The following NR2E1 variants were observed in gnomAD, a reference collection of about 807,000 sequenced individuals.
The protein encoded by NR2E1 is nuclear receptor TLX.
A neutral mutation model predicts 43.6 loss-of-function variants in NR2E1; 5 were observed. The observed-to-expected ratio is 0.11, with a 90% CI of 0.06 to 0.24. The LOEUF (loss-of-function observed/expected upper bound fraction) is 0.24, where lower values mean the gene tolerates loss of function less well. Among genes scored for constraint, NR2E1 ranks in the 10% least tolerant of loss-of-function variants. The pLI, the probability that NR2E1 is intolerant of heterozygous loss-of-function variation, is 1.00. For synonymous variants in NR2E1, 191 were observed against 195.5 expected (o/e 0.98, Z 0.19); for missense variants, 287 against 496.7 (o/e 0.58, Z 4.01).
intron 8 of NR2E1, among the ~76,000 whole-genome samples, chr6:108,185,513 C>A (rs1285157324): frequency 6.6e-6 from 1 of 152,040 alleles, no homozygotes; most frequent in African/African-American, 2.4e-5. Flanking sequence ...GAGGCTCAAG[C>A]AATTCTCCCA....
In NR2E1 at chr6:108,180,736, T is replaced by G. The variant is rs1371044958; in HGVS notation, c.740-71T>G. 7.0e-7 allele frequency: 1 copy of G among 1,438,400 alleles called. No individual in the cohort carries two copies. Among genetic ancestry groups the G allele is most frequent in the African/African-American group, 1.4e-5 (1 of 71,224 alleles). The allele number at this position is 1,438,400 out of a possible 1,614,324, so 89.1% of individuals were successfully genotyped here. ...TGAATAGATATTGATATGCAGGATT[T>G]TGTCAAAAATCAATATTAAATCATG... On this transcript the variant is annotated intron_variant, in intron 6 of 8. Coordinates refer to ENST00000368986, the MANE Select transcript of NR2E1 (RefSeq NM_003269.5). This position sits in a 1 kb window ranked among gnomAD's most constrained non-coding sequence, Gnocchi z 5.4.
chr6:108,184,819 G>A (rs1724733498), intron 8 of NR2E1, among the ~76,000 whole-genome samples: 1 of 151,768 alleles, frequency 6.6e-6, no homozygotes, highest in African/African-American at 2.4e-5. Flanking sequence ...AATTATGTGT[G>A]GAAAAAACAC....
At chr6:108,187,029 C>G (rs1774087541) in intron 8 of NR2E1, among the ~76,000 whole-genome samples, 1 of 151,114 alleles carries the variant, frequency 6.6e-6, no homozygotes, top group Non-Finnish European at 1.5e-5. Flanking sequence ...TCTTAAATTT[C>G]TTTTTTTTTC....
chr6:108,188,543 ACACACACACCG>A lies in NR2E1; in HGVS notation c.*1081_*1091del, dbSNP rs1774113584. On this transcript the variant is annotated 3_prime_UTR_variant, in exon 9 of 9. Coordinates refer to ENST00000368986, the MANE Select transcript of NR2E1 (RefSeq NM_003269.5). Reference sequence around the variant, plus strand: ...CACACACACACACACACACACACACACACACACACCGTCCTACACTTTAAGCTGCTCCTTTG... The same window carrying A: ...CACACACACACACACACACACACACATCCTACACTTTAAGCTGCTCCTTTG... 6.7e-6 allele frequency: 1 copy of A among 149,564 alleles called. No individual in the cohort carries two copies. Among genetic ancestry groups the A allele is most frequent in the African/African-American group, 2.5e-5 (1 of 39,808 alleles). 9.3% of individuals were successfully genotyped at this position (149,564 alleles called of 1,614,324 possible). A position where few individuals can be genotyped will look rare whatever the true frequency, so the allele number is the denominator to read the frequency against.
intron 2 of NR2E1, 22 bp downstream of exon 2, chr6:108,171,625 T>A: frequency 6.2e-7 from 1 of 1,613,818 alleles, no homozygotes. Context: ...AGGGCTGCAC[T>A]GCTGGGCTCC....
At chr6:108,178,470 C>T (rs1773935424) in intron 5 of NR2E1, among the ~76,000 whole-genome samples, 2 of 152,154 alleles carry the variant, frequency 1.3e-5, no homozygotes, top group African/African-American at 2.4e-5. Context: ...AAGGATGGGT[C>T]CAGTCTGTGA....
intron 1 of NR2E1, 55 bp from the exon 2 acceptor site, chr6:108,171,403 G>T: frequency 5.0e-6 from 8 of 1,592,836 alleles, no homozygotes; most frequent in Non-Finnish European, 6.9e-6. Flanking sequence ...CCTCTTCTCC[G>T]CCCTCCTTTC....
chr6:108,177,525 C>G (rs1407617530), intron 4 of NR2E1, among the ~76,000 whole-genome samples: 1 of 152,206 alleles, frequency 6.6e-6, no homozygotes, highest in Non-Finnish European at 1.5e-5. Context: ...TGGGCACATG[C>G]ACACGCACAA....
chr6:108,187,828 C>T lies in NR2E1; in HGVS notation c.*365C>T. 2 of 314,312 alleles carry T rather than the reference C, an allele frequency of 6.4e-6. No individual in the cohort carries two copies. The highest frequency in any genetic ancestry group is 8.6e-5 in the Admixed American group (2 of 23,294). 19.5% of individuals were successfully genotyped at this position (314,312 alleles called of 1,614,324 possible). A position where few individuals can be genotyped will look rare whatever the true frequency, so the allele number is the denominator to read the frequency against. ...AGTAGTGCTTTCTCTTCCTTTTTAGCATACAAAGTTTGGTAACCAAATATA... is the reference window on the plus strand; with the variant it reads ...AGTAGTGCTTTCTCTTCCTTTTTAGTATACAAAGTTTGGTAACCAAATATA... On this transcript the variant is annotated 3_prime_UTR_variant, in exon 9 of 9. Coordinates refer to ENST00000368986, the MANE Select transcript of NR2E1 (RefSeq NM_003269.5).
At chr6:108,187,212 T>C (rs1488432746) in intron 8 of NR2E1, 89 bp from the exon 9 acceptor site, 2 of 1,424,146 alleles carry the variant, frequency 1.4e-6, no homozygotes, top group African/African-American at 2.8e-5. Context: ...AGATCAGCAA[T>C]GCTGGAGATG....
rs1773766938 is a variant in NR2E1, at chr6:108,169,371, A to G, written c.26-2087A>G. Among the ~76,000 whole-genome samples, 1 of 152,076 alleles carries G rather than the reference A, an allele frequency of 6.6e-6. No homozygotes were observed. Among genetic ancestry groups the G allele is most frequent in the African/African-American group, 2.4e-5 (1 of 41,396 alleles). On this transcript the variant is annotated intron_variant, in intron 1 of 8. Coordinates refer to ENST00000368986, the MANE Select transcript of NR2E1 (RefSeq NM_003269.5). The surrounding 1 kb of genome is among the most constrained non-coding windows in gnomAD (Gnocchi z 6.1). ...CCCACCCTGCACTGGTCTTCCCTCC[A>G]CCCTCATCGGGTTCTCCAGAGATGT...
chr6:108,167,668 T>C (rs1477063762), intron 1 of NR2E1, among the ~76,000 whole-genome samples: 1 of 152,142 alleles, frequency 6.6e-6, no homozygotes, highest in Non-Finnish European at 1.5e-5. Context: ...CGCCATCCAG[T>C]GGCCCACGGC....
chr6:108,181,413 C>T (rs1158527861), intron 7 of NR2E1, 133 bp from the exon 8 acceptor site: 8 of 780,678 alleles, frequency 1.0e-5, no homozygotes, highest in South Asian at 4.1e-5. Context: ...AGGTTGGTCT[C>T]GAACTGCTGA....
In NR2E1 at chr6:108,188,260, G is replaced by A. The variant is rs1216519692; in HGVS notation, c.*797G>A. On this transcript the variant is annotated 3_prime_UTR_variant, in exon 9 of 9. Coordinates refer to ENST00000368986, the MANE Select transcript of NR2E1 (RefSeq NM_003269.5). ...AAACAGCAAAACCAAATAAAGTGGA[G>A]ATGAGTGATTGAGTGAGGTAGATTG... The A allele has an allele frequency of 6.6e-6, 1 of 152,230 alleles. No homozygotes were observed. The highest frequency in any genetic ancestry group is 6.5e-5 in the Admixed American group (1 of 15,276). 9.4% of individuals were successfully genotyped at this position (152,230 alleles called of 1,614,324 possible). A position where few individuals can be genotyped will look rare whatever the true frequency, so the allele number is the denominator to read the frequency against.
At position 108,176,417 on chromosome 6, in the gene NR2E1, T is replaced by C. The variant is rs532289425; in HGVS notation, c.260-86T>C. 2.8e-5 allele frequency: 39 copies of C among 1,373,012 alleles called. No homozygotes were observed. In the East Asian group the frequency reaches 6.0e-4, roughly 21 times the overall value. 85.1% of individuals were successfully genotyped at this position (1,373,012 alleles called of 1,614,324 possible). A position where few individuals can be genotyped will look rare whatever the true frequency, so the allele number is the denominator to read the frequency against. The stretch of plus-strand genomic sequence containing the variant: ...CGATTTTGCCCGCCCAGACTTGACA[T>C]TGGGGCGGGGCTGGGGGGAGAGCCG... On this transcript the variant is annotated intron_variant, in intron 3 of 8. Coordinates refer to ENST00000368986, the MANE Select transcript of NR2E1 (RefSeq NM_003269.5).
At chr6:108,177,186 A>G (rs745587898) in intron 4 of NR2E1, among the ~76,000 whole-genome samples, 1 of 152,224 alleles carries the variant, frequency 6.6e-6, no homozygotes, top group Non-Finnish European at 1.5e-5. Context: ...CAGAATTCCA[A>G]ATCTTGGCAT....
chr6:108,171,659 T>C lies in NR2E1; in HGVS notation c.171+56T>C, dbSNP rs1773814449. 4.3e-6 allele frequency: 7 copies of C among 1,609,536 alleles called. No homozygotes were observed. In the East Asian group the frequency reaches 1.3e-4, roughly 31 times the overall value. ...CCGCTCTGCTGCCTCCTCACTCTTT[T>C]GTTTGTGCCAAGGCCTCCTCTGAGT... On this transcript the variant is annotated intron_variant, in intron 2 of 8. Transcript: ENST00000368986.
intron 4 of NR2E1, among the ~76,000 whole-genome samples, chr6:108,177,460 A>T (rs1051547302): frequency 6.6e-6 from 1 of 152,198 alleles, no homozygotes; most frequent in Non-Finnish European, 1.5e-5. Context: ...AGGGCCTAGG[A>T]TCTCCCTCAG....
At chr6:108,182,939 G>T (rs1477956135) in intron 8 of NR2E1, among the ~76,000 whole-genome samples, 2 of 152,126 alleles carry the variant, frequency 1.3e-5, no homozygotes, top group Non-Finnish European at 2.9e-5. Context: ...GGCCTCAAGT[G>T]ATCCTCCCAC....
Sources: allele counts gnomAD v4.1 joint callset (sites outside exome capture counted in the v4.1 genomes callset), GRCh38; gene constraint gnomAD v4.1.1; non-coding constraint Gnocchi (gnomAD v3.1); transcripts MANE v1.5; gene names NCBI Gene and HGNC (gene_info 2026-07-23, HGNC 2026-07-21).